The following WWOX variants were observed in gnomAD, a reference collection of about 807,000 sequenced individuals.
WWOX encodes the protein WW domain-containing oxidoreductase.
In WWOX, 69 loss-of-function variants were observed where a neutral mutation model predicts 46.2. The observed-to-expected ratio is 1.49, with a 90% CI of 1.23 to 1.82. The LOEUF (loss-of-function observed/expected upper bound fraction) is 1.82, where lower values mean the gene tolerates loss of function less well. WWOX is among the 40% of genes most tolerant of loss of function. The pLI is 0.00. For synonymous variants in WWOX, 359 were observed against 202.6 expected, an observed-to-expected ratio of 1.77 and a Z score of -6.56; for missense variants, 919 against 542.6, an observed-to-expected ratio of 1.69 and a Z score of -6.89.
At position 79,001,521 on chromosome 16, in the gene WWOX, C is replaced by G. The variant is rs574367823; in HGVS notation, c.1057-210087C>G. On this transcript the variant is annotated intron_variant, in intron 8 of 8. Coordinates refer to ENST00000566780, the MANE Select transcript of WWOX (RefSeq NM_016373.4). ...GTAATACCCAGTAGAGAAATTAAGT[C>G]GAAGTACATTTTGCCCATAGAGATT... 2.6e-5 allele frequency among the ~76,000 whole-genome samples: 4 copies of G among 152,134 alleles called. No homozygotes were observed. In the East Asian group the frequency reaches 7.7e-4, roughly 29 times the overall value.
chr16:78,845,264 G>C lies in WWOX; in HGVS notation c.1057-366344G>C, dbSNP rs116004221. Among the ~76,000 whole-genome samples the C allele has an allele frequency of 3.2e-3, 475 of 150,334 alleles. 2 individuals carry two copies. The highest frequency in any genetic ancestry group is 0.011 in the African/African-American group (453 of 40,870). On this transcript the variant is annotated intron_variant, in intron 8 of 8. Coordinates refer to ENST00000566780, the MANE Select transcript of WWOX (RefSeq NM_016373.4). ...TATTGTGGCTCAAAATGAAACTTAA[G>C]ACTACATGGCTAATTTATTTACTGC...
rs60615202 is a variant in WWOX at position 78,406,307 on chromosome 16, T to TAAATATAA, written c.606-18562_606-18561insAATATAAA. On this transcript the variant is annotated intron_variant, in intron 6 of 8. Transcript: ENST00000566780. ...ACATTACAGCATATAAATATAAATA[T>TAAATATAA]ATATATATATATATATATATATATA... 9.8e-4 allele frequency among the ~76,000 whole-genome samples: 16 copies of TAAATATAA among 16,404 alleles called. No individual in the cohort carries two copies. In the East Asian group the frequency reaches 0.014, roughly 14 times the overall value. 10.8% of individuals were successfully genotyped at this position (16,404 alleles called of 152,430 possible).
chr16:79,071,610 G>T (rs370209253), intron 8 of WWOX, among the ~76,000 whole-genome samples: 1 of 152,172 alleles, frequency 6.6e-6, no homozygotes, highest in African/African-American at 2.4e-5. Flanking sequence ...CCCATTACAC[G>T]CTCAGGCTTG....
At chr16:79,156,015 A>G (rs2050374664) in intron 8 of WWOX, among the ~76,000 whole-genome samples, 1 of 152,188 alleles carries the variant, frequency 6.6e-6, no homozygotes, top group East Asian at 1.9e-4. Context: ...CTATTAAAAG[A>G]GAAAAATAGT....
chr16:78,928,669 A>AG (rs1410307084), intron 8 of WWOX, among the ~76,000 whole-genome samples: 1 of 151,946 alleles, frequency 6.6e-6, no homozygotes, highest in Non-Finnish European at 1.5e-5. Context: ...ACTGGAAAAA[A>AG]AAATAATAGG....
At chr16:78,905,646 G>A (rs11150113) in intron 8 of WWOX, among the ~76,000 whole-genome samples, 42,632 of 152,020 alleles carry the variant, frequency 0.28, 6,969 homozygotes, top group Non-Finnish European at 0.38. Context: ...CCCTTCCAAA[G>A]TGCTGGGATT....
At chr16:78,162,660 A>G (rs1450014932) in intron 4 of WWOX, among the ~76,000 whole-genome samples, 1 of 152,156 alleles carries the variant, frequency 6.6e-6, no homozygotes, top group Non-Finnish European at 1.5e-5. Flanking sequence ...TTGTAACATT[A>G]TCAGCCATTC....
At chr16:78,985,621 T>C (rs1296019988) in intron 8 of WWOX, among the ~76,000 whole-genome samples, 1 of 152,040 alleles carries the variant, frequency 6.6e-6, no homozygotes, top group Non-Finnish European at 1.5e-5. Flanking sequence ...ATACAAAAAT[T>C]AGCTGTGCAT....
intron 8 of WWOX, among the ~76,000 whole-genome samples, chr16:78,511,040 G>C (rs774722974): frequency 5.9e-5 from 9 of 152,214 alleles, no homozygotes; most frequent in Non-Finnish European, 1.0e-4. Flanking sequence ...GCTGCTCAGC[G>C]TGCCTGGTTC....
At chr16:78,915,085 C>T (rs975721822) in intron 8 of WWOX, among the ~76,000 whole-genome samples, 1 of 152,026 alleles carries the variant, frequency 6.6e-6, no homozygotes, top group African/African-American at 2.4e-5. Context: ...AGATGGAAGA[C>T]CTCTTGGCTG....
intron 8 of WWOX, among the ~76,000 whole-genome samples, chr16:79,195,224 A>G (rs1000367136): frequency 2.0e-5 from 3 of 152,058 alleles, no homozygotes; most frequent in Non-Finnish European, 4.4e-5. Flanking sequence ...ATTGGCATGT[A>G]GGAAGATTAC....
chr16:78,123,004 A>C (rs574978892), intron 4 of WWOX, among the ~76,000 whole-genome samples: 2 of 152,302 alleles, frequency 1.3e-5, no homozygotes, highest in Non-Finnish European at 2.9e-5. Flanking sequence ...ATAATTAAAC[A>C]AAAGAGGCAG....
At chr16:78,857,357 C>A (rs1054981611) in intron 8 of WWOX, among the ~76,000 whole-genome samples, 1 of 152,182 alleles carries the variant, frequency 6.6e-6, no homozygotes, top group Non-Finnish European at 1.5e-5. Context: ...AGGCAGATAA[C>A]TTCCATGTTG....
At chr16:78,557,942 C>T (rs1012145902) in intron 8 of WWOX, among the ~76,000 whole-genome samples, 2 of 152,004 alleles carry the variant, frequency 1.3e-5, no homozygotes, top group South Asian at 4.2e-4. Context: ...GGTGATCTGC[C>T]CACCTTGGCC....
At chr16:78,241,747 C>A (rs999806609) in intron 5 of WWOX, among the ~76,000 whole-genome samples, 1 of 152,088 alleles carries the variant, frequency 6.6e-6, no homozygotes, top group Non-Finnish European at 1.5e-5. Flanking sequence ...TCACGCGCAG[C>A]CACTGTTGCT....
intron 8 of WWOX, among the ~76,000 whole-genome samples, chr16:78,458,713 A>G (rs1810907380): frequency 6.6e-6 from 1 of 152,228 alleles, no homozygotes; most frequent in African/African-American, 2.4e-5. Context: ...CTGACATTTA[A>G]AAATACATGT....
chr16:78,566,834 C>T (rs906244827), intron 8 of WWOX, among the ~76,000 whole-genome samples: 1 of 152,146 alleles, frequency 6.6e-6, no homozygotes, highest in Non-Finnish European at 1.5e-5. Context: ...ATTCATCAAT[C>T]AGAGTGGGGC....
chr16:78,506,105 C>G (rs976002609), intron 8 of WWOX, among the ~76,000 whole-genome samples: 1 of 152,056 alleles, frequency 6.6e-6, no homozygotes, highest in African/African-American at 2.4e-5. Flanking sequence ...CAGGGGCTGC[C>G]TGGAGAAGGG....
chr16:78,895,905 C>G (rs995840238), intron 8 of WWOX: 3 of 152,170 alleles, frequency 2.0e-5, no homozygotes, highest in African/African-American at 7.2e-5. Context: ...CGTATTACTC[C>G]TGTCTTCTCT....
Sources: gnomAD v4.1 joint callset for allele counts (sites outside exome capture counted in the v4.1 genomes callset) on GRCh38, gnomAD v4.1.1 for gene constraint, MANE v1.5 for transcripts, NCBI Gene and HGNC (gene_info 2026-07-23, HGNC 2026-07-21) for gene names.